GTF2IRD1: variants seen among roughly 807,000 people sequenced by gnomAD.
GTF2IRD1 encodes general transcription factor II-I repeat domain-containing protein 1.
Under a neutral mutation model 113.2 loss-of-function variants are expected in GTF2IRD1, and 26 were observed. That is an observed-to-expected ratio of 0.23 (90% CI 0.17 to 0.32). The LOEUF (loss-of-function observed/expected upper bound fraction) is 0.32, where lower values mean the gene tolerates loss of function less well. Among genes scored for constraint, GTF2IRD1 ranks in the 10% least tolerant of loss-of-function variants. The pLI, the probability that GTF2IRD1 is intolerant of heterozygous loss-of-function variation, is 1.00. For missense variants in GTF2IRD1, 864 were observed against 1,280.8 expected (o/e 0.67, Z 4.97); for synonymous variants, 484 against 529.1 (o/e 0.91, Z 1.17).
intron 1 of GTF2IRD1, among the ~76,000 whole-genome samples, chr7:74,501,793 A>G (rs1796047274): frequency 6.6e-6 from 1 of 152,156 alleles, no homozygotes; most frequent in Non-Finnish European, 1.5e-5. Flanking sequence ...CTGGGACTAC[A>G]GGCACCTACC....
chr7:74,573,603 C>T (rs1800825528), intron 22 of GTF2IRD1, among the ~76,000 whole-genome samples: 2 of 152,108 alleles, frequency 1.3e-5, no homozygotes, highest in African/African-American at 2.4e-5. Context: ...ACCGAGGGGT[C>T]GCCAGGCACC....
chr7:74,468,606 C>T (rs1793877393), intron 1 of GTF2IRD1, among the ~76,000 whole-genome samples: 1 of 148,178 alleles, frequency 6.7e-6, no homozygotes, highest in African/African-American at 2.5e-5. Flanking sequence ...TTGCAGTGAG[C>T]CAAGACTGTG....
chr7:74,518,125 A>T lies in GTF2IRD1; in HGVS notation c.422-14A>T. On this transcript the variant is annotated splice_polypyrimidine_tract_variant and intron_variant, in intron 4 of 26. Coordinates refer to ENST00000424337, the MANE Select transcript of GTF2IRD1 (RefSeq NM_005685.4). ...CTCTCATACCAGGCCCCTCTCCTGG[A>T]CTCTCCCCTACAGGCGAGGCCCTGG... 2 of 1,521,224 alleles carry T rather than the reference A, an allele frequency of 1.3e-6. No homozygotes were observed. The highest frequency in any genetic ancestry group is 1.8e-6 in the Non-Finnish European group (2 of 1,130,870). The allele number at this position is 1,521,224 out of a possible 1,614,324, so 94.2% of individuals were successfully genotyped here.
At chr7:74,545,222 G>A (rs1382729989) in intron 15 of GTF2IRD1, among the ~76,000 whole-genome samples, 1 of 152,124 alleles carries the variant, frequency 6.6e-6, no homozygotes, top group East Asian at 1.9e-4. Context: ...TGCTGAGAAT[G>A]GAAGTAGGAC....
chr7:74,490,730 C>T (rs1795294053), intron 1 of GTF2IRD1, among the ~76,000 whole-genome samples: 1 of 151,862 alleles, frequency 6.6e-6, no homozygotes, highest in South Asian at 2.1e-4. Flanking sequence ...GCTCCAACGC[C>T]CCAGCTGGTC....
At chr7:74,584,947 A>G (rs1183981595) in intron 22 of GTF2IRD1, among the ~76,000 whole-genome samples, 2 of 151,926 alleles carry the variant, frequency 1.3e-5, no homozygotes, top group African/African-American at 4.8e-5. Flanking sequence ...GATTACAGGC[A>G]CCTGCCACCA....
rs116344626 is a variant in GTF2IRD1 at position 74,526,910 on chromosome 7, C to T, written c.1090+2756C>T. Among the ~76,000 whole-genome samples, 459 of 152,230 alleles carry T rather than the reference C, an allele frequency of 3.0e-3. 3 individuals carry two copies. The highest frequency in any genetic ancestry group is 0.01 in the African/African-American group (436 of 41,534). ...GGGATCTGGATGCCAAAGCCGCCAA[C>T]GCAGACCTGGGCCGCTGCATCAACA... On this transcript the variant is annotated intron_variant, in intron 8 of 26. Coordinates refer to ENST00000424337, the MANE Select transcript of GTF2IRD1 (RefSeq NM_005685.4).
At chr7:74,486,652 C>T (rs1562792413) in intron 1 of GTF2IRD1, among the ~76,000 whole-genome samples, 3 of 152,214 alleles carry the variant, frequency 2.0e-5, no homozygotes, top group South Asian at 2.1e-4. Context: ...AGGTACCAGC[C>T]ACACAGCATC....
At chr7:74,586,864 G>A (rs1255867330) in intron 22 of GTF2IRD1, among the ~76,000 whole-genome samples, 1 of 152,218 alleles carries the variant, frequency 6.6e-6, no homozygotes, top group Non-Finnish European at 1.5e-5. Flanking sequence ...GATTAAAAGA[G>A]CCAGACACAG....
At chr7:74,505,454 C>T (rs1796251762) in intron 1 of GTF2IRD1, among the ~76,000 whole-genome samples, 2 of 152,162 alleles carry the variant, frequency 1.3e-5, no homozygotes, top group South Asian at 4.1e-4. Flanking sequence ...CCCGGATGAC[C>T]GAGACAAGGA....
intron 1 of GTF2IRD1, among the ~76,000 whole-genome samples, chr7:74,501,858 G>T (rs1796052081): frequency 6.6e-6 from 1 of 152,022 alleles, no homozygotes; most frequent in East Asian, 1.9e-4. Flanking sequence ...CACCATATTG[G>T]CCAAGCTGGT....
At chr7:74,495,609 A>C (rs1795612783) in intron 1 of GTF2IRD1, among the ~76,000 whole-genome samples, 6 of 152,192 alleles carry the variant, frequency 3.9e-5, no homozygotes, top group Admixed American at 3.9e-4. Context: ...GAGCCAGTGC[A>C]TGGGGGCTCT....
intron 1 of GTF2IRD1, among the ~76,000 whole-genome samples, chr7:74,460,365 G>A (rs1029081003): frequency 1.3e-5 from 2 of 151,874 alleles, no homozygotes; most frequent in African/African-American, 4.8e-5. Context: ...CAACTCCTGG[G>A]CTCAATGTGA....
chr7:74,527,773 G>C (rs1313110444), intron 8 of GTF2IRD1, among the ~76,000 whole-genome samples: 25 of 152,038 alleles, frequency 1.6e-4, no homozygotes, highest in Non-Finnish European at 1.5e-5. Context: ...ACCCAGTCAG[G>C]GAGTTTGCAG....
At chr7:74,552,688 A>AG (rs1799382200) in intron 17 of GTF2IRD1, among the ~76,000 whole-genome samples, 1 of 152,186 alleles carries the variant, frequency 6.6e-6, no homozygotes, top group Admixed American at 6.5e-5. Flanking sequence ...ACCATAAACT[A>AG]GGGGCACCCG....
chr7:74,579,113 G>A (rs587703334), intron 22 of GTF2IRD1, among the ~76,000 whole-genome samples: 9 of 152,252 alleles, frequency 5.9e-5, no homozygotes, highest in Non-Finnish European at 1.2e-4. Flanking sequence ...CTTGAAGCCA[G>A]GAGTTTGAGA....
At chr7:74,454,386 C>T (rs543545729) in intron 1 of GTF2IRD1, among the ~76,000 whole-genome samples, 6 of 151,588 alleles carry the variant, frequency 4.0e-5, no homozygotes, top group Middle Eastern at 3.5e-3. Context: ...GGGACGGCCG[C>T]CCCCCACCTG....
intron 14 of GTF2IRD1, among the ~76,000 whole-genome samples, chr7:74,543,345 C>A (rs1798735197): frequency 6.6e-6 from 1 of 152,058 alleles, no homozygotes; most frequent in African/African-American, 2.4e-5. Flanking sequence ...ATGGTAGTCA[C>A]ATCTGTAATC....
intron 1 of GTF2IRD1, among the ~76,000 whole-genome samples, chr7:74,461,552 C>T (rs1030130771): frequency 2.6e-5 from 4 of 152,184 alleles, no homozygotes; most frequent in Admixed American, 6.5e-5. Context: ...CCCCGGCTGG[C>T]ACATGAGAAG....
Sources: gnomAD v4.1 joint callset for allele counts (sites outside exome capture counted in the v4.1 genomes callset) on GRCh38, gnomAD v4.1.1 for gene constraint, MANE v1.5 for transcripts, NCBI Gene and HGNC (gene_info 2026-07-23, HGNC 2026-07-21) for gene names.